The following KCNMA1 variants were observed in gnomAD, a reference collection of about 807,000 sequenced individuals.
The protein encoded by KCNMA1 is Calcium-activated potassium channel subunit alpha-1.
KCNMA1 carries 29 observed loss-of-function variants against 140.0 expected under a neutral mutation model. That is an observed-to-expected ratio of 0.21 (90% CI 0.15 to 0.28). KCNMA1 has a LOEUF of 0.28. Among genes scored for constraint, KCNMA1 ranks in the 10% least tolerant of loss-of-function variants. The probability of loss-of-function intolerance (pLI) is 1.00; values close to 1 mark genes in which losing one functional copy is unlikely to be tolerated. For missense variants in KCNMA1, 880 were observed against 1,602.2 expected, an observed-to-expected ratio of 0.55 and a Z score of 7.70; for synonymous variants, 612 against 611.9, an observed-to-expected ratio of 1.00 and a Z score of 0.00.
chr10:77,187,819 A>T (rs1245355874), intron 3 of KCNMA1, among the ~76,000 whole-genome samples: 1 of 152,094 alleles, frequency 6.6e-6, no homozygotes, highest in Non-Finnish European at 1.5e-5. Context: ...TGTTTATCAG[A>T]TCCCCTCTGA....
Position 77,122,616 on chromosome 10 carries a change from C to T in KCNMA1, c.809-1568G>A, listed in dbSNP as rs563811983. ...ACAGTAGAAATCACAGAGATCCAACCCATGGATAAAATGTGTTGGCCAAAG... is the reference window on the plus strand; with the variant it reads ...ACAGTAGAAATCACAGAGATCCAACTCATGGATAAAATGTGTTGGCCAAAG... On this transcript the variant is annotated intron_variant, in intron 5 of 27. Coordinates refer to ENST00000286628, the MANE Select transcript of KCNMA1 (RefSeq NM_001161352.2). 1.4e-4 allele frequency among the ~76,000 whole-genome samples: 22 copies of T among 152,028 alleles called. No individual in the cohort carries two copies. The South Asian group carries it at 4.6e-3, about 32-fold the overall frequency.
intron 19 of KCNMA1, chr10:76,970,333 A>T (rs1158015402): frequency 7.1e-5 from 9 of 126,172 alleles, no homozygotes; most frequent in East Asian, 1.4e-4. Flanking sequence ...CCATAAGAAA[A>T]AAAAAAAAAA....
intron 2 of KCNMA1, among the ~76,000 whole-genome samples, chr10:77,267,870 C>A (rs931337414): frequency 2.0e-5 from 3 of 152,176 alleles, no homozygotes; most frequent in Non-Finnish European, 4.4e-5. Context: ...CAGGAGATCA[C>A]CTGCCAAGAA....
At chr10:77,617,880 C>G (rs980919163) in intron 1 of KCNMA1, among the ~76,000 whole-genome samples, 9 of 152,168 alleles carry the variant, frequency 5.9e-5, no homozygotes, top group African/African-American at 1.4e-4. Context: ...CAGAAGCCCT[C>G]AGTGTGGGAC....
At chr10:77,361,979 C>T (rs1003406023) in intron 2 of KCNMA1, among the ~76,000 whole-genome samples, 2 of 152,218 alleles carry the variant, frequency 1.3e-5, no homozygotes, top group African/African-American at 2.4e-5. Context: ...TTCTCTGTTC[C>T]CTTGGAGCTG....
chr10:76,995,966 G>T (rs2084179467), intron 19 of KCNMA1, among the ~76,000 whole-genome samples: 1 of 152,090 alleles, frequency 6.6e-6, no homozygotes, highest in South Asian at 2.1e-4. Context: ...TGAGAAGTTG[G>T]CTGCCTTTTG....
At chr10:77,524,009 A>G (rs1477130144) in intron 1 of KCNMA1, among the ~76,000 whole-genome samples, 2 of 152,218 alleles carry the variant, frequency 1.3e-5, no homozygotes, top group African/African-American at 4.8e-5. Flanking sequence ...ACTCTCCATG[A>G]TGTGCTTATT....
chr10:77,155,956 G>T (rs2098478518), intron 5 of KCNMA1, among the ~76,000 whole-genome samples: 1 of 152,132 alleles, frequency 6.6e-6, no homozygotes. Context: ...GGCCGGGCAT[G>T]GTGGCTCACG....
At chr10:77,367,504 C>A (rs1321176393) in intron 2 of KCNMA1, among the ~76,000 whole-genome samples, 1 of 152,098 alleles carries the variant, frequency 6.6e-6, no homozygotes, top group Non-Finnish European at 1.5e-5. Flanking sequence ...GAGTCCCAGG[C>A]CCCATTGCTA....
At chr10:76,903,628 G>A (rs568900604) in intron 25 of KCNMA1, 1 of 152,358 alleles carries the variant, frequency 6.6e-6, no homozygotes, top group Admixed American at 6.5e-5. Context: ...AGTTGAAATG[G>A]AGGCTCTTGA....
intron 5 of KCNMA1, among the ~76,000 whole-genome samples, chr10:77,160,136 A>G (rs1302180992): frequency 1.8e-4 from 27 of 152,188 alleles, no homozygotes; most frequent in Non-Finnish European, 1.5e-5. Context: ...GCTCTTCTCC[A>G]AGGGTGTCAA....
intron 29 of KCNMA1, chr10:76,878,027 G>C: frequency 2.5e-6 from 2 of 813,312 alleles, no homozygotes; most frequent in Non-Finnish European, 4.1e-6. Context: ...TAATTGCTAA[G>C]AGAGACAGTG....
At position 77,530,128 on chromosome 10, in the gene KCNMA1, G is replaced by A. The variant is rs192062194; in HGVS notation, c.378+107137C>T. On this transcript the variant is annotated intron_variant, in intron 1 of 27. Transcript: ENST00000286628. ...GCCTCCTCAATCTTCTAACTAACAC[G>A]AGAAGGCCAGAGACACAGGCAATGC... 3.5e-3 allele frequency among the ~76,000 whole-genome samples: 535 copies of A among 152,268 alleles called. 4 individuals are homozygous for A. Among genetic ancestry groups the A allele is most frequent in the African/African-American group, 0.012 (479 of 41,548 alleles).
In KCNMA1 at chr10:77,637,795, T is replaced by A. The variant is rs1190850318; in HGVS notation, c.-153A>T. On this transcript the variant is annotated 5_prime_UTR_variant, in exon 1 of 28. Coordinates refer to ENST00000286628, the MANE Select transcript of KCNMA1 (RefSeq NM_001161352.2). ...GAGGGGGGCGGGGAGGCGCCTGGGC[T>A]CGGGGCGCTGTGCGCGACCTGGCGG... is the stretch of plus-strand genomic sequence containing the variant. The A allele has an allele frequency of 2.4e-6, 3 of 1,248,506 alleles. No individual in the cohort carries two copies. In the African/African-American group the frequency reaches 4.8e-5, roughly 20 times the overall value. The allele number at this position is 1,248,506 out of a possible 1,614,324, so 77.3% of individuals were successfully genotyped here. A position where few individuals can be genotyped will look rare whatever the true frequency, so the allele number is the denominator to read the frequency against.
At chr10:77,438,603 T>C (rs2097312870) in intron 1 of KCNMA1, among the ~76,000 whole-genome samples, 1 of 151,634 alleles carries the variant, frequency 6.6e-6, no homozygotes, top group African/African-American at 2.4e-5. Flanking sequence ...AAATGTATTA[T>C]CTCACTACTC....
intron 1 of KCNMA1, among the ~76,000 whole-genome samples, chr10:77,615,754 C>A (rs1425835140): frequency 6.6e-6 from 1 of 152,160 alleles, no homozygotes; most frequent in East Asian, 1.9e-4. Context: ...CTACTTTCTG[C>A]CTCCATCTTT....
At chr10:77,072,794 T>C (rs1243026801) in intron 14 of KCNMA1, among the ~76,000 whole-genome samples, 1 of 152,220 alleles carries the variant, frequency 6.6e-6, no homozygotes, top group Non-Finnish European at 1.5e-5. Context: ...ATATGGAATG[T>C]ATATAAATCA....
At chr10:77,296,284 AC>A (rs2075085017) in intron 2 of KCNMA1, among the ~76,000 whole-genome samples, 1 of 152,172 alleles carries the variant, frequency 6.6e-6, no homozygotes, top group African/African-American at 2.4e-5. Flanking sequence ...GGGGCCATGG[AC>A]CAAAAAGTGT....
intron 1 of KCNMA1, among the ~76,000 whole-genome samples, chr10:77,466,028 G>T (rs2097999547): frequency 6.6e-6 from 1 of 152,176 alleles, no homozygotes. Flanking sequence ...CAGGAAGTAG[G>T]ATGCCCAGCA....
Sources: gnomAD v4.1 joint callset for allele counts (sites outside exome capture counted in the v4.1 genomes callset) on GRCh38, gnomAD v4.1.1 for gene constraint, MANE v1.5 for transcripts, NCBI Gene and HGNC (gene_info 2026-07-23, HGNC 2026-07-21) for gene names.